Variants in DEPDC5 observed in about 807,000 individuals in gnomAD.
DEPDC5 encodes the protein GATOR1 complex protein DEPDC5.
A neutral mutation model predicts 217.3 loss-of-function variants in DEPDC5; 73 were observed. That is an observed-to-expected ratio of 0.34 (90% confidence interval 0.28 to 0.41). DEPDC5 has a LOEUF of 0.41. Ranked by LOEUF, DEPDC5 falls within the 10% of genes least tolerant of loss-of-function variation. DEPDC5 has a pLI of 1.00. For synonymous variants in DEPDC5, 733 were observed against 756.7 expected, an observed-to-expected ratio of 0.97 and a Z score of 0.51; for missense variants, 1,675 against 2,070.1, an observed-to-expected ratio of 0.81 and a Z score of 3.70.
intron 4 of DEPDC5, among the ~76,000 whole-genome samples, chr22:31,764,646 C>T (rs1409774345): frequency 6.6e-6 from 1 of 152,148 alleles, no homozygotes; most frequent in Non-Finnish European, 1.5e-5. Context: ...GAACTGCTGA[C>T]CTCAGGTGAT....
At chr22:31,890,757 C>T (rs1445147384) in intron 38 of DEPDC5, among the ~76,000 whole-genome samples, 2 of 151,694 alleles carry the variant, frequency 1.3e-5, no homozygotes, top group African/African-American at 2.4e-5. Context: ...TGGAGTTTCA[C>T]TCTTGTTGCC....
At chr22:31,770,547 ATTTT>A (rs34409975) in intron 7 of DEPDC5, among the ~76,000 whole-genome samples, 1 of 133,464 alleles carries the variant, frequency 7.5e-6, no homozygotes, top group African/African-American at 2.8e-5. Flanking sequence ...CACGTAGCTA[ATTTT>A]TTTTTTTTTT....
chr22:31,756,949 A>G (rs940613909), intron 2 of DEPDC5, among the ~76,000 whole-genome samples: 1 of 151,692 alleles, frequency 6.6e-6, no homozygotes, highest in African/African-American at 2.4e-5. Flanking sequence ...TAAAAAAAAA[A>G]GAAACAACCA....
chr22:31,845,130 A>G lies in DEPDC5; in HGVS notation c.2914A>G (p.Arg972Gly), dbSNP rs771624840. The change falls in exon 30 of 43, where the codon AGG (arginine) becomes GGG (glycine). Residue 972 changes from arginine to glycine, a missense_variant. Arg to Gly is a moderately radical substitution (Grantham distance 125). Around this residue, in one of 11 missense-constraint regions of DEPDC5, gnomAD observed 293 missense variants for 386.1 expected, o/e 0.76. Transcript: ENST00000651528. ...GEAHCDIYGDRPRADEDEWQL... is the reference protein window; with the variant it reads ...GEAHCDIYGDGPRADEDEWQL... ...GGCCCACTGCGACATCTATGGGGAC[A>G]GGCCCCGTGCAGACGAGGACGAGTG... The G allele has an allele frequency of 1.2e-6, 2 of 1,614,192 alleles. No homozygotes were observed. Among genetic ancestry groups the G allele is most frequent in the Non-Finnish European group, 8.5e-7 (1 of 1,180,022 alleles).
intron 10 of DEPDC5, chr22:31,785,107 G>T: frequency 2.3e-6 from 1 of 431,360 alleles, no homozygotes; most frequent in South Asian, 3.3e-5. Context: ...TCAGTAACAA[G>T]GTAAGTATGC....
At chr22:31,882,415 G>A (rs1161823054) in intron 38 of DEPDC5, among the ~76,000 whole-genome samples, 1 of 152,158 alleles carries the variant, frequency 6.6e-6, no homozygotes, top group African/African-American at 2.4e-5. Context: ...GATCATGCAT[G>A]GCGACAATTT....
chr22:31,788,018 T>C (rs1032159257), intron 10 of DEPDC5, among the ~76,000 whole-genome samples: 3 of 152,026 alleles, frequency 2.0e-5, no homozygotes, highest in Non-Finnish European at 4.4e-5. Context: ...TCACATTACA[T>C]GCCTGTATCA....
Position 31,754,864 on chromosome 22 carries a change from A to T in DEPDC5, c.-58A>T, listed in dbSNP as rs879114249. 2.5e-5 allele frequency: 40 copies of T among 1,583,462 alleles called. No individual in the cohort carries two copies. Among genetic ancestry groups the T allele is most frequent in the Non-Finnish European group, 3.3e-5 (38 of 1,155,566 alleles). On this transcript the variant is annotated splice_region_variant and 5_prime_UTR_variant, in exon 2 of 43. Coordinates refer to ENST00000651528, the MANE Select transcript of DEPDC5 (RefSeq NM_001242896.3). ...TTTCGTTTGTATTTCTGTGGCAGGG[A>T]GGCAAGATGACTTCTCTGCCCCAAG... is the stretch of plus-strand genomic sequence containing the variant.
chr22:31,795,614 G>T (rs1010210695), intron 12 of DEPDC5, among the ~76,000 whole-genome samples: 44 of 152,014 alleles, frequency 2.9e-4, no homozygotes, highest in Non-Finnish European at 5.9e-4. Context: ...GGCTGGTCTC[G>T]AACTCCTGAC....
At chr22:31,756,164 A>G (rs987008918) in intron 2 of DEPDC5, among the ~76,000 whole-genome samples, 1 of 151,914 alleles carries the variant, frequency 6.6e-6, no homozygotes, top group Non-Finnish European at 1.5e-5. Context: ...ATTACAGGCA[A>G]GAGCCACCGC....
intron 38 of DEPDC5, among the ~76,000 whole-genome samples, chr22:31,886,852 C>CCT (rs1164679028): frequency 3.6e-5 from 5 of 139,950 alleles, no homozygotes; most frequent in East Asian, 2.2e-4. Flanking sequence ...GGGCGGATCA[C>CCT]AAGGTCAGGA....
In DEPDC5 at chr22:31,797,699, G is replaced by A. The variant is rs1434484126; in HGVS notation, c.867G>A (p.Gln289=). 1.9e-6 allele frequency: 3 copies of A among 1,612,098 alleles called. No individual in the cohort carries two copies. The highest frequency in any genetic ancestry group is 2.5e-6 in the Non-Finnish European group (3 of 1,178,284). The change falls in exon 13 of 43, where the codon CAG becomes CAA. Residue 289 remains glutamine, a synonymous_variant. Coordinates refer to ENST00000651528, the MANE Select transcript of DEPDC5 (RefSeq NM_001242896.3). ...IQYPVLVRLE[Q]AEGFPQGDNS... ...ATCCAGTGTTGGTGCGACTGGAACA[G>A]GCAGGTACTGCATTCATGTAATAGA...
Position 31,843,676 on chromosome 22 carries a change from A to G in DEPDC5, c.2665A>G (p.Thr889Ala). The change falls in exon 29 of 43, where the codon ACC becomes GCC. Residue 889 changes from threonine to alanine, a missense_variant. Coordinates refer to ENST00000651528, the MANE Select transcript of DEPDC5 (RefSeq NM_001242896.3). Reference protein sequence around the residue: ...YPYESAQIHYTYSLCPSHSDS... With the variant: ...YPYESAQIHYAYSLCPSHSDS... ...TTATGAATCTGCCCAGATCCACTAC[A>G]CCTACAGCCTCTGTCCTTCCCACTC... The G allele has an allele frequency of 6.2e-7, 1 of 1,610,676 alleles. No individual in the cohort carries two copies. The highest frequency in any genetic ancestry group is 8.5e-7 in the Non-Finnish European group (1 of 1,177,338).
At chr22:31,870,861 C>T (rs2092821522) in intron 34 of DEPDC5, 117 bp downstream of exon 34, 1 of 1,218,574 alleles carries the variant, frequency 8.2e-7, no homozygotes, top group Admixed American at 3.6e-5. Flanking sequence ...CCACAAGTCA[C>T]ATGCGACCCT....
At chr22:31,762,184 G>A (rs903342490) in intron 4 of DEPDC5, among the ~76,000 whole-genome samples, 1 of 151,946 alleles carries the variant, frequency 6.6e-6, no homozygotes, top group Non-Finnish European at 1.5e-5. Context: ...ATTGATGATC[G>A]CCCACCACAT....
intron 20 of DEPDC5, 96 bp downstream of exon 20, chr22:31,810,737 T>C (rs2088196724): frequency 1.8e-5 from 27 of 1,522,724 alleles, no homozygotes; most frequent in Non-Finnish European, 2.3e-5. Context: ...TTGAAAATCT[T>C]GTTTTGTTTT....
At chr22:31,796,806 C>G (rs1416974544) in intron 12 of DEPDC5, among the ~76,000 whole-genome samples, 1 of 151,542 alleles carries the variant, frequency 6.6e-6, no homozygotes, top group Non-Finnish European at 1.5e-5. Context: ...AAGCAATTCT[C>G]CTGCCTCAGC....
intron 37 of DEPDC5, among the ~76,000 whole-genome samples, chr22:31,877,718 TC>T (rs1338969901): frequency 0.061 from 4 of 66 alleles, no homozygotes; most frequent in African/African-American, 0.18. Context: ...CCACTGCACT[TC>T]CAGTCTGGCG....
intron 25 of DEPDC5, among the ~76,000 whole-genome samples, chr22:31,834,637 C>A (rs1569052402): frequency 6.6e-6 from 1 of 151,958 alleles, no homozygotes; most frequent in Non-Finnish European, 1.5e-5. Flanking sequence ...CTGCCTCAGC[C>A]TCTTGAGTAG....
Sources: gnomAD v4.1 joint callset for allele counts (sites outside exome capture counted in the v4.1 genomes callset) on GRCh38, gnomAD v4.1.1 for gene constraint, gnomAD v4.1.1 regional missense constraint, MANE v1.5 for transcripts, NCBI Gene and HGNC (gene_info 2026-07-23, HGNC 2026-07-21) for gene names.